The following RAD21L1 variants were observed in gnomAD, a reference collection of about 807,000 sequenced individuals.
RAD21L1 encodes the protein RAD21 cohesin complex component like 1, also known as double-strand-break repair protein rad21-like protein 1.
A neutral mutation model predicts 69.0 loss-of-function variants in RAD21L1; 47 were observed. That is an observed-to-expected ratio of 0.68 (90% CI 0.54 to 0.87). The LOEUF is 0.87. Ranked by LOEUF, RAD21L1 falls within the 40% of genes least tolerant of loss-of-function variation. The pLI is 0.00. For missense variants in RAD21L1, 583 were observed against 647.6 expected (o/e 0.90, Z 1.08); for synonymous variants, 177 against 205.8 (o/e 0.86, Z 1.20).
At chr20:1,231,454 T>C (rs2087389226) in intron 3 of RAD21L1, 72 bp from the exon 4 acceptor site, 1 of 751,148 alleles carries the variant, frequency 1.3e-6, no homozygotes, top group African/African-American at 1.8e-5. Flanking sequence ...TAAAAGAATA[T>C]AGAGTTAGTT....
intron 13 of RAD21L1, among the ~76,000 whole-genome samples, chr20:1,249,395 G>T (rs889123574): frequency 6.6e-6 from 1 of 152,126 alleles, no homozygotes; most frequent in Non-Finnish European, 1.5e-5. Context: ...GTTTGATTGC[G>T]ACAGGGAGCC....
At chr20:1,247,219 A>G (rs2087735587) in intron 12 of RAD21L1, among the ~76,000 whole-genome samples, 1 of 152,186 alleles carries the variant, frequency 6.6e-6, no homozygotes, top group Non-Finnish European at 1.5e-5. Flanking sequence ...CAGCTGTTTT[A>G]ATAATCCACT....
intron 7 of RAD21L1, among the ~76,000 whole-genome samples, 197 bp from the exon 8 acceptor site, chr20:1,240,124 G>A (rs1311726935): frequency 6.6e-6 from 1 of 152,130 alleles, no homozygotes; most frequent in Non-Finnish European, 1.5e-5. Context: ...TGACTCACTC[G>A]AATACTGTGG....
At chr20:1,234,697 A>G (rs1399208514) in intron 5 of RAD21L1, among the ~76,000 whole-genome samples, 1 of 152,220 alleles carries the variant, frequency 6.6e-6, no homozygotes, top group Non-Finnish European at 1.5e-5. Context: ...TGTGAAACAG[A>G]AACTGATTTT....
In RAD21L1 at chr20:1,254,327, A is replaced by C; in HGVS notation, c.1538A>C (p.Asp513Ala). Reference sequence around the variant, plus strand: ...CTGATGAAGCTCTGTAGAAATAGTGACCGAAAACAAGCAGCTGCCAAATTT... The same window carrying C: ...CTGATGAAGCTCTGTAGAAATAGTGCCCGAAAACAAGCAGCTGCCAAATTT... ...FSLMKLCRNS[D>A]RKQAAAKFYS... Residue 513 changes from aspartate to alanine, a missense_variant, in exon 14 of 14, where the codon GAC (aspartate) becomes GCC (alanine). Transcript: ENST00000683101. 2 of 1,551,326 alleles carry C rather than the reference A, an allele frequency of 1.3e-6. No individual in the cohort carries two copies. The highest frequency in any genetic ancestry group is 1.7e-6 in the Non-Finnish European group (2 of 1,146,836).
intron 10 of RAD21L1, 42 bp downstream of exon 10, chr20:1,243,238 G>A: frequency 1.0e-6 from 1 of 983,334 alleles, no homozygotes; most frequent in East Asian, 2.8e-5. Context: ...GGAATGCTGT[G>A]GAAACAAAAA....
Position 1,254,471 on chromosome 20 carries a change from A to G in RAD21L1, c.*14A>G, listed in dbSNP as rs990743872. ...TATAACATATGAAGGAAACCCAGAC[A>G]TACAGATTTATGGCATCACTGGAAT... On this transcript the variant is annotated 3_prime_UTR_variant, in exon 14 of 14. Coordinates refer to ENST00000683101, the MANE Select transcript of RAD21L1 (RefSeq NM_001384355.1). 14 of 1,463,622 alleles carry G rather than the reference A, an allele frequency of 9.6e-6. No homozygotes were observed. The highest frequency in any genetic ancestry group is 7.6e-5 in the East Asian group (3 of 39,322). The allele number at this position is 1,463,622 out of a possible 1,614,324, so 90.7% of individuals were successfully genotyped here. A position where few individuals can be genotyped will look rare whatever the true frequency, so the allele number is the denominator to read the frequency against.
intron 8 of RAD21L1, 88 bp downstream of exon 8, chr20:1,240,522 T>C: frequency 6.8e-7 from 1 of 1,463,700 alleles, no homozygotes; most frequent in Non-Finnish European, 9.0e-7. Flanking sequence ...TGAAATATTA[T>C]AGGAGATAGT....
chr20:1,254,139 TCCA>T, intron 13 of RAD21L1, 127 bp from the exon 14 acceptor site: 3 of 611,762 alleles, frequency 4.9e-6, no homozygotes, highest in Non-Finnish European at 5.4e-6. Flanking sequence ...TTTCCCTTTT[TCCA>T]TTTAAGGATT....
Position 1,238,074 on chromosome 20 carries a change from G to A in RAD21L1, c.506G>A (p.Ser169Asn). 2 of 1,527,982 alleles carry A rather than the reference G, an allele frequency of 1.3e-6. No individual in the cohort carries two copies. Among genetic ancestry groups the A allele is most frequent in the South Asian group, 1.2e-5 (1 of 80,094 alleles). The allele number at this position is 1,527,982 out of a possible 1,614,324, so 94.7% of individuals were successfully genotyped here. A position where few individuals can be genotyped will look rare whatever the true frequency, so the allele number is the denominator to read the frequency against. Residue 169 changes from serine to asparagine, a missense_variant, in exon 6 of 14, where the codon AGC becomes AAC. Ser to Asn is a conservative substitution (Grantham distance 46). Coordinates refer to ENST00000683101, the MANE Select transcript of RAD21L1 (RefSeq NM_001384355.1). ...GEESEILRRH[S>N]FFDDNILLNS... ...GAATCTGAAATTCTCAGAAGACATA[G>A]CTTCTTTGATGACAACATATTACTG...
At chr20:1,237,158 G>A (rs1600221105) in intron 5 of RAD21L1, among the ~76,000 whole-genome samples, 1 of 152,130 alleles carries the variant, frequency 6.6e-6, no homozygotes, top group Non-Finnish European at 1.5e-5. Flanking sequence ...CACTAACATG[G>A]GTTGTTAGAG....
At chr20:1,245,685 C>G (rs1344323849) in intron 11 of RAD21L1, among the ~76,000 whole-genome samples, 1 of 152,070 alleles carries the variant, frequency 6.6e-6, no homozygotes, top group Non-Finnish European at 1.5e-5. Flanking sequence ...ACTCCCCTTC[C>G]AACAGACAGG....
Position 1,231,530 on chromosome 20 carries a change from G to C in RAD21L1, c.279G>C (p.Leu93=), listed in dbSNP as rs1436460103. 1 of 1,515,668 alleles carries C rather than the reference G, an allele frequency of 6.6e-7. No individual in the cohort carries two copies. The highest frequency in any genetic ancestry group is 8.9e-7 in the Non-Finnish European group (1 of 1,117,774). The allele number at this position is 1,515,668 out of a possible 1,614,324, so 93.9% of individuals were successfully genotyped here. Residue 93 remains leucine, a synonymous_variant, in exon 4 of 14, where the codon CTG becomes CTC. Transcript: ENST00000683101. The part of the protein sequence containing the change: ...LKMKMTFCPG[L]VDLPKENFEA... ...ATGGTTTTTGATCCTTTTCAGGACTGGTTGACCTTCCAAAAGAGAATTTTG... is the reference window on the plus strand; with the variant it reads ...ATGGTTTTTGATCCTTTTCAGGACTCGTTGACCTTCCAAAAGAGAATTTTG...
chr20:1,250,908 T>C (rs1270821685), intron 13 of RAD21L1, among the ~76,000 whole-genome samples: 1 of 152,220 alleles, frequency 6.6e-6, no homozygotes, highest in African/African-American at 2.4e-5. Context: ...CCTCTTGTTC[T>C]GATCCAAACC....
At chr20:1,240,238 T>C (rs1167768232) in intron 7 of RAD21L1, 83 bp from the exon 8 acceptor site, 1 of 1,416,614 alleles carries the variant, frequency 7.1e-7, no homozygotes, top group Admixed American at 3.4e-5. Context: ...TTAGTTTATC[T>C]TTATCTTTAA....
At chr20:1,253,778 G>T (rs2087881940) in intron 13 of RAD21L1, among the ~76,000 whole-genome samples, 1 of 152,210 alleles carries the variant, frequency 6.6e-6, no homozygotes, top group African/African-American at 2.4e-5. Flanking sequence ...TCTGTGCAAA[G>T]AAATTGGGAG....
intron 9 of RAD21L1, 52 bp from the exon 10 acceptor site, chr20:1,243,045 A>T: frequency 8.7e-7 from 1 of 1,150,196 alleles, no homozygotes; most frequent in Non-Finnish European, 1.2e-6. Flanking sequence ...TGTTTTCTTG[A>T]ATTGCTTTGC....
chr20:1,238,895 C>G (rs1249351655), intron 6 of RAD21L1, among the ~76,000 whole-genome samples: 1 of 152,138 alleles, frequency 6.6e-6, no homozygotes, highest in East Asian at 1.9e-4. Context: ...ACCATCTTGG[C>G]TCAATGCAAC....
At chr20:1,248,740 TA>T in intron 13 of RAD21L1, 37 bp downstream of exon 13, 4 of 1,207,806 alleles carry the variant, frequency 3.3e-6, no homozygotes, top group Non-Finnish European at 4.6e-6. Context: ...GTTTTTATTT[TA>T]AAAAATAAGT....
Sources: gnomAD v4.1 joint callset for allele counts (sites outside exome capture counted in the v4.1 genomes callset) on GRCh38, gnomAD v4.1.1 for gene constraint, MANE v1.5 for transcripts, NCBI Gene and HGNC (gene_info 2026-07-23, HGNC 2026-07-21) for gene names.